SLC6A11: variants seen among roughly 807,000 people sequenced by gnomAD.
SLC6A11 encodes the protein sodium- and chloride-dependent GABA transporter 3.
SLC6A11 carries 25 observed loss-of-function variants against 74.8 expected under a neutral mutation model. The ratio of observed to expected loss-of-function variants is 0.33; its 90% CI spans 0.24 to 0.47. SLC6A11 has a LOEUF of 0.47. Among genes scored for constraint, SLC6A11 ranks in the 20% least tolerant of loss-of-function variants. The probability of loss-of-function intolerance (pLI) is 1.00; values close to 1 mark genes in which losing one functional copy is unlikely to be tolerated. For missense variants in SLC6A11, 574 were observed against 837.0 expected, an observed-to-expected ratio of 0.69 and a Z score of 3.88; for synonymous variants, 330 against 330.2, an observed-to-expected ratio of 1.00 and a Z score of 0.01.
chr3:10,872,019 C>T (rs1048121005), intron 5 of SLC6A11, among the ~76,000 whole-genome samples: 1 of 152,216 alleles, frequency 6.6e-6, no homozygotes, highest in Non-Finnish European at 1.5e-5. Context: ...TTTAAAATCT[C>T]TGCTTTGTCA....
chr3:10,925,519 C>T (rs1268635323), intron 8 of SLC6A11, among the ~76,000 whole-genome samples: 1 of 151,836 alleles, frequency 6.6e-6, no homozygotes, highest in Non-Finnish European at 1.5e-5. Flanking sequence ...GGAGTGTAGA[C>T]CTGGAAATGA....
At chr3:10,860,349 C>T (rs984302873) in intron 5 of SLC6A11, among the ~76,000 whole-genome samples, 5 of 152,204 alleles carry the variant, frequency 3.3e-5, no homozygotes, top group Non-Finnish European at 5.9e-5. Flanking sequence ...GGGAGCCATC[C>T]TGATTTCAGA....
intron 5 of SLC6A11, among the ~76,000 whole-genome samples, chr3:10,864,224 C>A (rs1206815702): frequency 1.3e-5 from 2 of 151,860 alleles, no homozygotes; most frequent in Non-Finnish European, 2.9e-5. Context: ...TTTATGTTCT[C>A]AGCCATCAGT....
intron 6 of SLC6A11, among the ~76,000 whole-genome samples, chr3:10,878,009 CT>C (rs1220639705): frequency 3.3e-5 from 5 of 152,358 alleles, no homozygotes; most frequent in African/African-American, 1.2e-4. Context: ...CCATCTCCCA[CT>C]GGAAAACTGT....
intron 10 of SLC6A11, among the ~76,000 whole-genome samples, chr3:10,932,332 G>A (rs890877937): frequency 6.6e-6 from 1 of 152,100 alleles, no homozygotes; most frequent in African/African-American, 2.4e-5. Flanking sequence ...CAAGCCCTGG[G>A]CCAGAAACTG....
intron 4 of SLC6A11, among the ~76,000 whole-genome samples, chr3:10,841,358 C>T (rs2017660): frequency 0.13 from 19,446 of 152,074 alleles, 1,552 homozygotes; most frequent in African/African-American, 0.22. Flanking sequence ...AGTTGAGTGC[C>T]CCAGCCCCCA....
intron 5 of SLC6A11, among the ~76,000 whole-genome samples, chr3:10,859,761 C>G (rs1335354776): frequency 6.6e-6 from 1 of 152,178 alleles, no homozygotes; most frequent in Non-Finnish European, 1.5e-5. Context: ...TTTGTCTAAT[C>G]TAAGTTACAT....
At chr3:10,854,156 G>A (rs1694610116) in intron 5 of SLC6A11, among the ~76,000 whole-genome samples, 1 of 152,238 alleles carries the variant, frequency 6.6e-6, no homozygotes, top group African/African-American at 2.4e-5. Flanking sequence ...GGGAGGCTGA[G>A]GCAGGCGGAT....
chr3:10,935,158 A>T lies in SLC6A11; in HGVS notation c.1705A>T (p.Ile569Phe), dbSNP rs375857144. Reference protein sequence around the residue: ...LSSMLCIPLWICITVWKTEGT... With the variant: ...LSSMLCIPLWFCITVWKTEGT... Reference sequence around the variant, plus strand: ...CTCCATGCTCTGCATCCCGCTCTGGATCTGCATCACAGTGTGGAAGACGGA... The same window carrying T: ...CTCCATGCTCTGCATCCCGCTCTGGTTCTGCATCACAGTGTGGAAGACGGA... The change falls in exon 13 of 14, where the codon ATC (isoleucine) becomes TTC (phenylalanine). Residue 569 changes from isoleucine to phenylalanine, a missense_variant. Ile to Phe is a conservative substitution (Grantham distance 21). Coordinates refer to ENST00000254488, the MANE Select transcript of SLC6A11 (RefSeq NM_014229.3). 1.1e-5 allele frequency: 17 copies of T among 1,614,076 alleles called. No individual in the cohort carries two copies. Among genetic ancestry groups the T allele is most frequent in the Non-Finnish European group, 1.4e-5 (16 of 1,180,048 alleles).
chr3:10,889,081 G>A (rs771292316), intron 6 of SLC6A11, among the ~76,000 whole-genome samples: 1 of 152,068 alleles, frequency 6.6e-6, no homozygotes, highest in Non-Finnish European at 1.5e-5. Flanking sequence ...TGCAGATTAA[G>A]TATAGTTTTT....
At chr3:10,871,338 C>T (rs1163518493) in intron 5 of SLC6A11, among the ~76,000 whole-genome samples, 2 of 152,134 alleles carry the variant, frequency 1.3e-5, no homozygotes, top group Admixed American at 1.3e-4. Context: ...TGGTAAGGTT[C>T]TTTTCCTTAA....
intron 5 of SLC6A11, among the ~76,000 whole-genome samples, chr3:10,845,413 T>C (rs1013614699): frequency 3.3e-5 from 5 of 152,192 alleles, no homozygotes; most frequent in African/African-American, 1.2e-4. Flanking sequence ...ATGAAGCGTC[T>C]CTCATGCCTG....
At chr3:10,868,664 G>A (rs1694793025) in intron 5 of SLC6A11, among the ~76,000 whole-genome samples, 1 of 152,210 alleles carries the variant, frequency 6.6e-6, no homozygotes, top group South Asian at 2.1e-4. Flanking sequence ...GGCCACTACT[G>A]GCAGTGGCCA....
intron 5 of SLC6A11, among the ~76,000 whole-genome samples, chr3:10,848,982 A>G (rs901704138): frequency 1.1e-4 from 16 of 152,184 alleles, no homozygotes; most frequent in African/African-American, 3.9e-4. Flanking sequence ...TCTGTTCTGT[A>G]TCTCCAGCTT....
intron 5 of SLC6A11, among the ~76,000 whole-genome samples, chr3:10,873,023 G>A (rs1694844868): frequency 1.3e-5 from 2 of 152,136 alleles, no homozygotes; most frequent in South Asian, 4.2e-4. Flanking sequence ...AGGAGTGAGT[G>A]TGACAAAAGA....
In SLC6A11 at chr3:10,918,081, A is replaced by G. The variant is rs1695482235; in HGVS notation, c.996-248A>G. 6.6e-6 allele frequency among the ~76,000 whole-genome samples: 1 copy of G among 152,072 alleles called. No individual in the cohort carries two copies. Among genetic ancestry groups the G allele is most frequent in the Non-Finnish European group, 1.5e-5 (1 of 68,004 alleles). On this transcript the variant is annotated intron_variant, in intron 7 of 13. Coordinates refer to ENST00000254488, the MANE Select transcript of SLC6A11 (RefSeq NM_014229.3). This position sits in a 1 kb window ranked among gnomAD's most constrained non-coding sequence, Gnocchi z 4.5. ...TTCCCATATGCCAGCCTCCCTTCCC[A>G]TGCTGGCTCTATGCTTCTGATTCGT...
chr3:10,835,626 G>C (rs1374308788), intron 4 of SLC6A11, among the ~76,000 whole-genome samples: 1 of 152,152 alleles, frequency 6.6e-6, no homozygotes, highest in African/African-American at 2.4e-5. Flanking sequence ...GGCAGCGCAG[G>C]CATTAAACTT....
intron 6 of SLC6A11, among the ~76,000 whole-genome samples, chr3:10,881,812 G>A (rs1327606543): frequency 6.6e-6 from 1 of 152,192 alleles, no homozygotes; most frequent in Non-Finnish European, 1.5e-5. Context: ...CCCCAGTTTA[G>A]CCCTGTGGCC....
chr3:10,871,082 T>C (rs1694823076), intron 5 of SLC6A11, among the ~76,000 whole-genome samples: 1 of 152,182 alleles, frequency 6.6e-6, no homozygotes, highest in Non-Finnish European at 1.5e-5. Context: ...GCTTCAAAAT[T>C]ATCATCAGCC....
Sources: gnomAD v4.1 joint callset for allele counts (sites outside exome capture counted in the v4.1 genomes callset) on GRCh38, gnomAD v4.1.1 for gene constraint, Gnocchi (gnomAD v3.1) non-coding constraint, MANE v1.5 for transcripts, NCBI Gene and HGNC (gene_info 2026-07-23, HGNC 2026-07-21) for gene names.